Variants in FAAH2 observed in about 807,000 individuals in gnomAD.
FAAH2 encodes the protein fatty acid amide hydrolase 2, also known as fatty-acid amide hydrolase 2.
In FAAH2, 60 loss-of-function variants were observed where a neutral mutation model predicts 36.9. The ratio of observed to expected loss-of-function variants is 1.63; its 90% CI spans 1.32 to 2.02. The LOEUF is 2.02. FAAH2 is among the 30% of genes most tolerant of loss of function. The pLI is 0.00. For missense variants in FAAH2, 689 were observed against 397.5 expected (o/e 1.73, Z -6.23); for synonymous variants, 214 against 143.8 (o/e 1.49, Z -3.49).
At position 57,378,771 on chromosome X, in the gene FAAH2, G is replaced by A. The variant is rs878901172; in HGVS notation, c.863G>A (p.Gly288Glu). Residue 288 changes from glycine (G) to glutamate (E), a missense_variant, in exon 6 of 11, where the codon GGA becomes GAA. Coordinates refer to ENST00000374900, the MANE Select transcript of FAAH2 (RefSeq NM_174912.4). ...GCCCCCATGTTGAAGGTCATGGCAG[G>A]ACCTGGGATCAAAAGGTATGTTCAT... ...DLAPMLKVMA[G>E]PGIKRLKLDT... is the part of the protein sequence containing the mutation. The A allele has an allele frequency of 5.0e-6, 6 of 1,209,132 alleles. 1 individual carries two copies. In the Admixed American group the frequency reaches 1.3e-4, roughly 26 times the overall value.
intron 10 of FAAH2, among the ~76,000 whole-genome samples, chrX:57,485,486 G>T (rs1179975584): frequency 1.8e-5 from 2 of 111,843 alleles, no homozygotes; most frequent in East Asian, 5.7e-4. Context: ...TTCAGCTGTG[G>T]TATCTGTGCT....
chrX:57,122,976 G>C, the FAAH2 span, among the ~76,000 whole-genome samples: 1 of 111,792 alleles, frequency 8.9e-6, no homozygotes, highest in Admixed American at 9.5e-5. Flanking sequence ...CATAGTTTCA[G>C]TGAGGGCTTT....
intron 7 of FAAH2, among the ~76,000 whole-genome samples, chrX:57,415,951 G>T (rs1442044711): frequency 9.0e-6 from 1 of 111,444 alleles, no homozygotes; most frequent in Non-Finnish European, 1.9e-5. Context: ...AGCTTTACTT[G>T]TTGCATTTAT....
At chrX:57,454,889 T>C (rs1023778920) in intron 10 of FAAH2, among the ~76,000 whole-genome samples, 2 of 111,427 alleles carry the variant, frequency 1.8e-5, no homozygotes, top group African/African-American at 6.5e-5. Context: ...GAGGATATAG[T>C]CCATGAAAAT....
At chrX:57,389,051 C>T (rs1444313798) in intron 7 of FAAH2, among the ~76,000 whole-genome samples, 1 of 108,293 alleles carries the variant, frequency 9.2e-6, no homozygotes, top group East Asian at 2.9e-4. Flanking sequence ...TGAACAAAAG[C>T]TGTTATAATC....
chrX:57,393,048 T>A, intron 7 of FAAH2: 1 of 900,322 alleles, frequency 1.1e-6, no homozygotes, highest in Non-Finnish European at 1.6e-6. Flanking sequence ...CTGGACAGCC[T>A]GAGCCAGGGC....
the FAAH2 span, among the ~76,000 whole-genome samples, chrX:57,154,763 C>A: frequency 3.6e-5 from 4 of 109,839 alleles, no homozygotes; most frequent in Admixed American, 1.9e-4. Context: ...TGTTATATTT[C>A]CAGATTTTTT....
At chrX:57,386,057 T>A (rs758244049) in intron 7 of FAAH2, among the ~76,000 whole-genome samples, 36 of 112,005 alleles carry the variant, frequency 3.2e-4, no homozygotes, top group African/African-American at 1.2e-3. Context: ...TTGTAATGCT[T>A]AATGAGGATA....
chrX:57,419,488 G>A (rs897855925), intron 7 of FAAH2, among the ~76,000 whole-genome samples: 25 of 112,009 alleles, frequency 2.2e-4, no homozygotes, highest in Middle Eastern at 9.3e-3. Flanking sequence ...GCATTTTTTC[G>A]TGTGTTTTTT....
the FAAH2 span, among the ~76,000 whole-genome samples, chrX:57,258,431 A>T: frequency 9.0e-6 from 1 of 111,330 alleles, no homozygotes; most frequent in Non-Finnish European, 1.9e-5. Context: ...ACAAGAGCAA[A>T]AATAAATAAT....
chrX:57,454,002 G>A (rs1437342548), intron 10 of FAAH2, among the ~76,000 whole-genome samples: 1 of 111,171 alleles, frequency 9.0e-6, no homozygotes, highest in Non-Finnish European at 1.9e-5. Flanking sequence ...GTGAGGGCAT[G>A]GAACCAGTGA....
chrX:57,315,882 T>C (rs1385761261), intron 3 of FAAH2, among the ~76,000 whole-genome samples: 1 of 110,891 alleles, frequency 9.0e-6, no homozygotes, highest in African/African-American at 3.3e-5. Context: ...CTACTCCTAT[T>C]TGACATAGTA....
intron 4 of FAAH2, among the ~76,000 whole-genome samples, chrX:57,338,692 C>T (rs2053614414): frequency 9.0e-6 from 1 of 110,855 alleles, no homozygotes; most frequent in African/African-American, 3.3e-5. Flanking sequence ...CCTAAGAATA[C>T]AGCTAACAAG....
chrX:57,469,863 A>G (rs751401967), intron 10 of FAAH2, among the ~76,000 whole-genome samples: 1 of 111,955 alleles, frequency 8.9e-6, no homozygotes, highest in Non-Finnish European at 1.9e-5. Flanking sequence ...AGCACTCCTC[A>G]GCAAATGTAA....
At chrX:57,412,284 A>G (rs2055718074) in intron 7 of FAAH2, among the ~76,000 whole-genome samples, 1 of 111,680 alleles carries the variant, frequency 9.0e-6, no homozygotes, top group Non-Finnish European at 1.9e-5. Flanking sequence ...CAGGTTTGTT[A>G]CATAGGTATA....
At chrX:57,256,609 C>A in the FAAH2 span, among the ~76,000 whole-genome samples, 1 of 111,636 alleles carries the variant, frequency 9.0e-6, no homozygotes, top group Non-Finnish European at 1.9e-5. Flanking sequence ...AAAACCTAGG[C>A]AATACCATTC....
chrX:57,465,752 G>A (rs1465107632), intron 10 of FAAH2, among the ~76,000 whole-genome samples: 2 of 110,697 alleles, frequency 1.8e-5, no homozygotes, highest in Non-Finnish European at 3.8e-5. Context: ...AAATCAAGGA[G>A]CTCTGGTGAA....
chrX:57,378,831 T>A (rs759141200), intron 6 of FAAH2, 45 bp downstream of exon 6: 13 of 1,157,098 alleles, frequency 1.1e-5, no homozygotes, highest in Non-Finnish European at 1.5e-5. Flanking sequence ...ATCCTGACAT[T>A]CATTCTCTCT....
At position 57,335,922 on chromosome X, in the gene FAAH2, T is replaced by A. The variant is rs1463891513; in HGVS notation, c.622+4115T>A. Among the ~76,000 whole-genome samples, 3 of 111,778 alleles carry A rather than the reference T, an allele frequency of 2.7e-5. No individual in the cohort carries two copies. The Admixed American group carries it at 2.8e-4, about 11-fold the overall frequency. On this transcript the variant is annotated intron_variant, in intron 4 of 10. Coordinates refer to ENST00000374900, the MANE Select transcript of FAAH2 (RefSeq NM_174912.4). ...TCAAGCATTTGTTTAACAAAGCACATCCTGCACAGCCCTTAATCCATTTAA... is the reference window on the plus strand; with the variant it reads ...TCAAGCATTTGTTTAACAAAGCACAACCTGCACAGCCCTTAATCCATTTAA...
Sources: allele counts gnomAD v4.1 joint callset (sites outside exome capture counted in the v4.1 genomes callset), GRCh38; gene constraint gnomAD v4.1.1; transcripts MANE v1.5; gene names NCBI Gene and HGNC (gene_info 2026-07-23, HGNC 2026-07-21).